The following HAUS4 variants were observed in gnomAD, a reference collection of about 807,000 sequenced individuals.
HAUS4 encodes HAUS augmin like complex subunit 4.
In HAUS4, 34 loss-of-function variants were observed where a neutral mutation model predicts 50.6. The observed-to-expected ratio is 0.67, with a 90% CI of 0.51 to 0.90. HAUS4 has a LOEUF of 0.90. Ranked by LOEUF, HAUS4 falls within the 40% of genes least tolerant of loss-of-function variation. The pLI, the probability that HAUS4 is intolerant of heterozygous loss-of-function variation, is 0.00. For missense variants in HAUS4, 370 were observed against 428.7 expected (o/e 0.86, Z 1.21); for synonymous variants, 149 against 161.4 (o/e 0.92, Z 0.58).
chr14:22,950,337 A>C lies in HAUS4; in HGVS notation c.539T>G (p.Leu180Arg), dbSNP rs1390382217. Reference protein sequence around the residue: ...EQLKKKCFTLLCYYDPNSDAD... With the variant: ...EQLKKKCFTLRCYYDPNSDAD... ...ACCTGAATTGGGATCATAGTAGCAG[A>C]GCAGAGTGAAACATTTCTTTTTGAG... Residue 180 changes from leucine (L) to arginine (R), a missense_variant, in exon 6 of 10, where the codon CTC becomes CGC. Physicochemically the swap from Leu to Arg is moderately radical, Grantham distance 102. Coordinates refer to ENST00000541587, the MANE Select transcript of HAUS4 (RefSeq NM_001166269.2). 3 of 1,609,628 alleles carry C rather than the reference A, an allele frequency of 1.9e-6. No individual in the cohort carries two copies. In the Admixed American group the frequency reaches 5.0e-5, roughly 27 times the overall value.
chr14:22,950,189 A>C, intron 6 of HAUS4, 125 bp downstream of exon 6: 5 of 473,766 alleles, frequency 1.1e-5, no homozygotes, highest in Non-Finnish European at 1.9e-5. Context: ...GCAACAAAAC[A>C]AATAAGCATC....
intron 2 of HAUS4, among the ~76,000 whole-genome samples, chr14:22,954,870 T>A (rs901892420): frequency 2.0e-5 from 3 of 151,664 alleles, no homozygotes; most frequent in African/African-American, 7.3e-5. Flanking sequence ...GGACTACAGG[T>A]ACCCACCACC....
At chr14:22,955,925 G>A (rs1018588928) in intron 1 of HAUS4, among the ~76,000 whole-genome samples, 2 of 152,120 alleles carry the variant, frequency 1.3e-5, no homozygotes, top group South Asian at 2.1e-4. Flanking sequence ...GGGCAGTAAA[G>A]ATGGGCACAG....
At chr14:22,947,302 T>A in intron 8 of HAUS4, 63 bp from the exon 9 acceptor site, 1 of 1,121,604 alleles carries the variant, frequency 8.9e-7, no homozygotes, top group Non-Finnish European at 1.4e-6. Flanking sequence ...GGGTTGGGAA[T>A]GGACGTAGTA....
intron 2 of HAUS4, among the ~76,000 whole-genome samples, chr14:22,953,651 C>T (rs2044801334): frequency 6.8e-6 from 1 of 147,622 alleles, no homozygotes; most frequent in Non-Finnish European, 1.5e-5. Flanking sequence ...GACGGAGTCT[C>T]ACTCTGTCAC....
At chr14:22,947,532 T>G in intron 8 of HAUS4, 69 bp downstream of exon 8, 2 of 1,538,012 alleles carry the variant, frequency 1.3e-6, no homozygotes, top group Non-Finnish European at 8.9e-7. Flanking sequence ...GGAAAGAGAT[T>G]AGGGTAAGGG....
intron 2 of HAUS4, among the ~76,000 whole-genome samples, chr14:22,953,799 T>TG (rs2044806268): frequency 6.6e-6 from 1 of 151,634 alleles, no homozygotes; most frequent in African/African-American, 2.4e-5. Flanking sequence ...TTTTTTTTTT[T>TG]TTTTGTATTT....
rs763188023 is a variant in HAUS4, at chr14:22,947,211, T to C, written c.868A>G (p.Thr290Ala). The C allele has an allele frequency of 6.2e-7, 1 of 1,609,298 alleles. No individual in the cohort carries two copies. The highest frequency in any genetic ancestry group is 8.5e-7 in the Non-Finnish European group (1 of 1,176,028). ...ACTTCCACTTTCTCAACAGTGTAAG[T>C]GTCGGACAAAATCTTTAGCTCCTCC... is the stretch of plus-strand genomic sequence containing the variant. The part of the protein sequence containing the change: ...RMEELKILSD[T>A]YTVEKVEVHR... The change falls in exon 9 of 10, where the codon ACT becomes GCT. Residue 290 changes from threonine (T) to alanine (A), a missense_variant. Thr to Ala is a moderately conservative substitution (Grantham distance 58). Coordinates refer to ENST00000541587, the MANE Select transcript of HAUS4 (RefSeq NM_001166269.2).
chr14:22,955,062 G>C (rs751199318), intron 2 of HAUS4, 38 bp downstream of exon 2: 1 of 1,451,572 alleles, frequency 6.9e-7, no homozygotes, highest in South Asian at 1.1e-5. Context: ...GACCTCTCTG[G>C]ATAAATCATC....
chr14:22,957,031 C>G lies in HAUS4; in HGVS notation c.-138G>C, dbSNP rs1284293577. ...CGCCCGCGCCGGGGCTCCGGAACCT[C>G]TCGTTCGGGCCGGGCGCAGGGGCTG... On this transcript the variant is annotated 5_prime_UTR_variant, in exon 1 of 10. Transcript: ENST00000541587. 6.5e-6 allele frequency: 1 copy of G among 154,116 alleles called. No homozygotes were observed. Among genetic ancestry groups the G allele is most frequent in the Admixed American group, 6.5e-5 (1 of 15,294 alleles). 9.5% of individuals were successfully genotyped at this position (154,116 alleles called of 1,614,324 possible).
Position 22,947,230 on chromosome 14 carries a change from C to T in HAUS4, c.849G>A (p.Glu283=), listed in dbSNP as rs1181034645. 4 of 1,604,160 alleles carry T rather than the reference C, an allele frequency of 2.5e-6. No homozygotes were observed. The highest frequency in any genetic ancestry group is 1.3e-5 in the African/African-American group (1 of 74,722). The change falls in exon 9 of 10, where the codon GAG becomes GAA. Residue 283 remains glutamate, a synonymous_variant. Transcript: ENST00000541587. ...TGTAAGTGTCGGACAAAATCTTTAG[C>T]TCCTCCATCCTGACAGAGGGAAGAA... The part of the protein sequence containing the change: ...GAMILKLRME[E]LKILSDTYTV...
rs190266736 is a variant in HAUS4, at chr14:22,948,685, G to A, written c.563-672C>T. On this transcript the variant is annotated intron_variant, in intron 6 of 9. Transcript: ENST00000541587. ...CAAGTAGCTGGGATTACAGGCACCC[G>A]CCACTACACCCAGCTAATTTTTTGT... Among the ~76,000 whole-genome samples, 487 of 151,712 alleles carry A rather than the reference G, an allele frequency of 3.2e-3. 2 individuals are homozygous for A. Among genetic ancestry groups the A allele is most frequent in the African/African-American group, 0.011 (462 of 41,452 alleles).
intron 6 of HAUS4, among the ~76,000 whole-genome samples, chr14:22,948,532 C>A (rs1308746214): frequency 6.6e-6 from 1 of 151,108 alleles, no homozygotes; most frequent in Non-Finnish European, 1.5e-5. Flanking sequence ...CGGATTTGGA[C>A]CTTAATTCTT....
In HAUS4 at chr14:22,950,343, G is replaced by A. The variant is rs1294168492; in HGVS notation, c.533C>T (p.Thr178Ile). 8 of 1,611,306 alleles carry A rather than the reference G, an allele frequency of 5.0e-6. No homozygotes were observed. Among genetic ancestry groups the A allele is most frequent in the Admixed American group, 1.7e-5 (1 of 59,978 alleles). ...VEEQLKKKCF[T>I]LLCYYDPNSD... ...ATTGGGATCATAGTAGCAGAGCAGAGTGAAACATTTCTTTTTGAGCTGCTC... is the reference window on the plus strand; with the variant it reads ...ATTGGGATCATAGTAGCAGAGCAGAATGAAACATTTCTTTTTGAGCTGCTC... The change falls in exon 6 of 10, where the codon ACT becomes ATT. Residue 178 changes from threonine (T) to isoleucine (I), a missense_variant. Physicochemically the swap from Thr to Ile is moderately conservative, Grantham distance 89 (BLOSUM62 -1). Transcript: ENST00000541587.
intron 6 of HAUS4, among the ~76,000 whole-genome samples, chr14:22,948,456 G>GA (rs1385285500): frequency 1.4e-5 from 2 of 138,718 alleles, no homozygotes; most frequent in South Asian, 2.3e-4. Flanking sequence ...AAAAAAAGCG[G>GA]GGGGGGGGAG....
At chr14:22,950,998 T>TA (rs756236601) in intron 5 of HAUS4, among the ~76,000 whole-genome samples, 65 of 152,236 alleles carry the variant, frequency 4.3e-4, no homozygotes, top group Non-Finnish European at 8.1e-4. Context: ...TACATGAAAA[T>TA]AGACTGTACT....
At position 22,947,910 on chromosome 14, in the gene HAUS4, C is replaced by A; in HGVS notation, c.666G>T (p.Glu222Asp). 6.2e-7 allele frequency: 1 copy of A among 1,614,124 alleles called. No individual in the cohort carries two copies. Among genetic ancestry groups the A allele is most frequent in the Non-Finnish European group, 8.5e-7 (1 of 1,179,990 alleles). Residue 222 changes from glutamate to aspartate, a missense_variant, in exon 7 of 10, where the codon GAG becomes GAT. Glu to Asp is a conservative substitution (Grantham distance 45, BLOSUM62 2). Transcript: ENST00000541587. ...QCQDAKSQQKEQMLLLEKKSA... is the reference protein window; with the variant it reads ...QCQDAKSQQKDQMLLLEKKSA... The stretch of plus-strand genomic sequence containing the variant: ...TCTTCTTCTCCAGCAGCAACATCTG[C>A]TCCTTCTGCTGGCTCTTGGCATCCT...
intron 8 of HAUS4, 90 bp from the exon 9 acceptor site, chr14:22,947,329 G>T: frequency 1.1e-6 from 1 of 909,156 alleles, no homozygotes; most frequent in Non-Finnish European, 1.8e-6. Flanking sequence ...GACGGTCAAG[G>T]TGTGGGCTAA....
At chr14:22,949,528 CAAAAAAAA>C (rs5807198) in intron 6 of HAUS4, among the ~76,000 whole-genome samples, 1 of 75,334 alleles carries the variant, frequency 1.3e-5, no homozygotes, top group African/African-American at 5.0e-5. Flanking sequence ...GACTTCGTCT[CAAAAAAAA>C]AAAAAAAAAA....
Sources: gnomAD v4.1 joint callset for allele counts (sites outside exome capture counted in the v4.1 genomes callset) on GRCh38, gnomAD v4.1.1 for gene constraint, MANE v1.5 for transcripts, NCBI Gene and HGNC (gene_info 2026-07-23, HGNC 2026-07-21) for gene names.